TNIP1: variants seen among roughly 807,000 people sequenced by gnomAD.
TNIP1 encodes the protein TNFAIP3 interacting protein 1.
A neutral mutation model predicts 86.6 loss-of-function variants in TNIP1; 22 were observed. The observed-to-expected ratio is 0.25, with a 90% CI of 0.18 to 0.36. TNIP1 has a LOEUF of 0.36. Among genes scored for constraint, TNIP1 ranks in the 10% least tolerant of loss-of-function variants. The pLI is 1.00. For missense variants in TNIP1, 709 were observed against 820.6 expected, an observed-to-expected ratio of 0.86 and a Z score of 1.66; for synonymous variants, 294 against 313.0, an observed-to-expected ratio of 0.94 and a Z score of 0.64.
intron 3 of TNIP1, among the ~76,000 whole-genome samples, chr5:151,062,959 C>A (rs1203028984): frequency 6.6e-6 from 1 of 152,242 alleles, no homozygotes; most frequent in Non-Finnish European, 1.5e-5. Flanking sequence ...AGCTGAGGTG[C>A]GGATCATTTC....
Position 151,072,552 on chromosome 5 carries a change from C to T in TNIP1, c.-36-7421G>A, listed in dbSNP as rs76728240. Among the ~76,000 whole-genome samples, 1,097 of 152,352 alleles carry T rather than the reference C, an allele frequency of 7.2e-3. 7 individuals are homozygous for T. The highest frequency in any genetic ancestry group is 0.015 in the Admixed American group (230 of 15,304). On this transcript the variant is annotated intron_variant, in intron 1 of 17. Coordinates refer to ENST00000521591, the MANE Select transcript of TNIP1 (RefSeq NM_006058.5). ...GTTCTGTTTCCACTGGCCCTTCTCT[C>T]CCCTCTGTGGTCCCCTGGAATAAGG...
intron 6 of TNIP1, 112 bp downstream of exon 6, chr5:151,056,654 C>T: frequency 9.2e-7 from 1 of 1,091,966 alleles, no homozygotes. Context: ...GCCCACAACA[C>T]AGCCTTCAGA....
chr5:151,042,595 T>G lies in TNIP1; in HGVS notation c.1079A>C (p.Gln360Pro). The G allele has an allele frequency of 1.2e-6, 2 of 1,613,952 alleles. No individual in the cohort carries two copies. The highest frequency in any genetic ancestry group is 1.7e-6 in the Non-Finnish European group (2 of 1,180,028). The change falls in exon 11 of 18, where the codon CAG (glutamine) becomes CCG (proline). Residue 360 changes from glutamine (Q) to proline (P), a missense_variant. Transcript: ENST00000521591. ...GAGGAGCTTGCGGTCAAAGTCACGCTGCTTCTGCTCCCGCTCGGCCTCCAG... is the reference window on the plus strand; with the variant it reads ...GAGGAGCTTGCGGTCAAAGTCACGCGGCTTCTGCTCCCGCTCGGCCTCCAG... ...TDLEAEREQKQRDFDRKLLLA... is the reference protein window; with the variant it reads ...TDLEAEREQKPRDFDRKLLLA...
Position 151,057,012 on chromosome 5 carries a change from G to A in TNIP1, c.436-55C>T, listed in dbSNP as rs894051717. 39 of 1,346,240 alleles carry A rather than the reference G, an allele frequency of 2.9e-5. 1 individual carries two copies. In the East Asian group the frequency reaches 3.4e-4, roughly 12 times the overall value. The allele number at this position is 1,346,240 out of a possible 1,614,324, so 83.4% of individuals were successfully genotyped here. A position where few individuals can be genotyped will look rare whatever the true frequency, so the allele number is the denominator to read the frequency against. On this transcript the variant is annotated intron_variant, in intron 5 of 17. Coordinates refer to ENST00000521591, the MANE Select transcript of TNIP1 (RefSeq NM_006058.5). ...CTTCACCAAGGCCTGAGTAGGCGCCGCCAGTCCATTCTCCCTCTGCTTCCT... is the reference window on the plus strand; with the variant it reads ...CTTCACCAAGGCCTGAGTAGGCGCCACCAGTCCATTCTCCCTCTGCTTCCT...
intron 11 of TNIP1, among the ~76,000 whole-genome samples, chr5:151,041,374 C>A (rs1758396313): frequency 6.6e-6 from 1 of 152,154 alleles, no homozygotes; most frequent in African/African-American, 2.4e-5. Context: ...CCTGGCCATA[C>A]ATTTTTCTTT....
At chr5:151,036,010 G>T (rs950720262) in intron 13 of TNIP1, among the ~76,000 whole-genome samples, 1 of 152,216 alleles carries the variant, frequency 6.6e-6, no homozygotes, top group African/African-American at 2.4e-5. Context: ...GACCCACAGG[G>T]GCAGTGATCA....
At chr5:151,067,177 C>T (rs990193232) in intron 1 of TNIP1, among the ~76,000 whole-genome samples, 2 of 152,238 alleles carry the variant, frequency 1.3e-5, no homozygotes, top group Non-Finnish European at 2.9e-5. Context: ...CAGTGTTCTA[C>T]AGCATAGCAC....
At chr5:151,062,381 T>C (rs1006503736) in intron 3 of TNIP1, among the ~76,000 whole-genome samples, 169 bp from the exon 4 acceptor site, 3 of 152,176 alleles carry the variant, frequency 2.0e-5, no homozygotes, top group African/African-American at 7.2e-5. Flanking sequence ...GAAAATGGCC[T>C]GCCCTGGAGT....
rs142716013 is a variant in TNIP1 at position 151,032,381 on chromosome 5, C to T, written c.1782G>A (p.Pro594=). ...CACAGGGTAGACGCCAGGTGTATTC[C>T]GGCTGCGACAAAACTGGTGCTTAAT... ...PLPNSRLFHL[P]EYTWRLPCGG... The change falls in exon 17 of 18, where the codon CCG becomes CCA. Residue 594 remains proline, a splice_region_variant and synonymous_variant. Coordinates refer to ENST00000521591, the MANE Select transcript of TNIP1 (RefSeq NM_006058.5). The T allele has an allele frequency of 6.2e-5, 100 of 1,613,922 alleles. No homozygotes were observed. In the African/African-American group the frequency reaches 6.4e-4, roughly 10 times the overall value.
chr5:151,079,842 T>C (rs1267347222), intron 1 of TNIP1, among the ~76,000 whole-genome samples: 2 of 152,218 alleles, frequency 1.3e-5, no homozygotes, highest in South Asian at 2.1e-4. Flanking sequence ...TCCCCTTTTC[T>C]GACCTCTCAT....
intron 1 of TNIP1, among the ~76,000 whole-genome samples, chr5:151,073,810 G>C (rs1470698701): frequency 6.6e-6 from 1 of 152,052 alleles, no homozygotes; most frequent in Non-Finnish European, 1.5e-5. Context: ...TGAGGTGGGA[G>C]GATCACTTGA....
At chr5:151,035,467 G>T in intron 14 of TNIP1, 115 bp downstream of exon 14, 1 of 1,478,898 alleles carries the variant, frequency 6.8e-7, no homozygotes, top group Non-Finnish European at 9.3e-7. Context: ...TGATTGCAGA[G>T]CTGGAGAGAA....
chr5:151,066,892 C>T (rs2113740931), intron 1 of TNIP1, among the ~76,000 whole-genome samples: 1 of 152,314 alleles, frequency 6.6e-6, no homozygotes, highest in Non-Finnish European at 1.5e-5. Flanking sequence ...CAGCACCATG[C>T]TATCAGGTCA....
intron 1 of TNIP1, among the ~76,000 whole-genome samples, chr5:151,079,188 A>G (rs1017925243): frequency 7.2e-5 from 11 of 152,126 alleles, no homozygotes; most frequent in African/African-American, 2.7e-4. Flanking sequence ...TGATCACATT[A>G]TTTTCCCGGG....
At chr5:151,077,409 CTCA>C (rs1385028122) in intron 1 of TNIP1, among the ~76,000 whole-genome samples, 4 of 152,214 alleles carry the variant, frequency 2.6e-5, no homozygotes, top group Non-Finnish European at 1.5e-5. Context: ...TGTCAATAGC[CTCA>C]TGATTAGCAT....
upstream of TNIP1, among the ~76,000 whole-genome samples, chr5:151,083,989 G>A (rs1764178054): frequency 6.6e-6 from 1 of 152,198 alleles, no homozygotes. Context: ...GAAGCTTTGA[G>A]GTATTAGATG....
chr5:151,033,430 C>G (rs1757181610), intron 16 of TNIP1, 178 bp downstream of exon 16: 2 of 453,216 alleles, frequency 4.4e-6, no homozygotes, highest in East Asian at 6.9e-5. Context: ...GGACTGTGGC[C>G]AGATCCCTGC....
chr5:151,034,827 A>G (rs11747926), intron 15 of TNIP1, 175 bp downstream of exon 15: 552,973 of 656,268 alleles, frequency 0.84, 233,684 homozygotes, highest in East Asian at 0.98. Context: ...GACAGCTAAT[A>G]CATTGTGGGC....
intron 12 of TNIP1, among the ~76,000 whole-genome samples, chr5:151,038,822 A>C (rs1758032374): frequency 6.6e-6 from 1 of 152,116 alleles, no homozygotes; most frequent in Non-Finnish European, 1.5e-5. Context: ...TTTGCTGAGC[A>C]AGTGAGGGTA....
Sources: gnomAD v4.1 joint callset for allele counts (sites outside exome capture counted in the v4.1 genomes callset) on GRCh38, gnomAD v4.1.1 for gene constraint, MANE v1.5 for transcripts, NCBI Gene and HGNC (gene_info 2026-07-23, HGNC 2026-07-21) for gene names.